ERBB4: variants seen among roughly 807,000 people sequenced by gnomAD.
ERBB4 encodes receptor tyrosine-protein kinase erbB-4.
A neutral mutation model predicts 158.0 loss-of-function variants in ERBB4; 42 were observed. That is an observed-to-expected ratio of 0.27 (90% CI 0.21 to 0.34). The LOEUF is 0.34. Ranked by LOEUF, ERBB4 falls within the 10% of genes least tolerant of loss-of-function variation. ERBB4 has a pLI of 1.00. For missense variants in ERBB4, 1,333 were observed against 1,624.1 expected, an observed-to-expected ratio of 0.82 and a Z score of 3.08; for synonymous variants, 583 against 558.7, an observed-to-expected ratio of 1.04 and a Z score of -0.61.
chr2:211,863,249 A>G (rs1185686373), intron 3 of ERBB4, among the ~76,000 whole-genome samples: 1 of 152,188 alleles, frequency 6.6e-6, no homozygotes, highest in Non-Finnish European at 1.5e-5. Flanking sequence ...CCAATCAGCA[A>G]TCTGTAAAAC....
intron 1 of ERBB4, among the ~76,000 whole-genome samples, chr2:212,344,543 CAT>C (rs2088888957): frequency 6.6e-6 from 1 of 151,806 alleles, no homozygotes; most frequent in Admixed American, 6.6e-5. Context: ...TATACACACA[CAT>C]AGCGAAGTAT....
intron 20 of ERBB4, among the ~76,000 whole-genome samples, chr2:211,513,806 G>C (rs893794114): frequency 6.6e-6 from 1 of 151,850 alleles, no homozygotes; most frequent in Admixed American, 6.6e-5. Context: ...CAAGTGATGA[G>C]GATAATAGCT....
At chr2:211,771,166 C>T (rs1412193292) in intron 4 of ERBB4, among the ~76,000 whole-genome samples, 1 of 152,188 alleles carries the variant, frequency 6.6e-6, no homozygotes, top group African/African-American at 2.4e-5. Context: ...GGTACTCAGG[C>T]AGAATCTCTG....
chr2:212,284,180 C>T (rs2085868713), intron 1 of ERBB4, among the ~76,000 whole-genome samples: 1 of 152,090 alleles, frequency 6.6e-6, no homozygotes, highest in African/African-American at 2.4e-5. Flanking sequence ...AAGTTTTTCT[C>T]ATGGGAGAAA....
At chr2:212,519,992 A>T (rs112829632) in intron 1 of ERBB4, among the ~76,000 whole-genome samples, 1,736 of 152,134 alleles carry the variant, frequency 0.011, 15 homozygotes, top group Middle Eastern at 0.041. Context: ...ATTATTATAC[A>T]ACATATGCAG....
intron 3 of ERBB4, among the ~76,000 whole-genome samples, chr2:211,942,341 T>C (rs537265982): frequency 6.7e-6 from 1 of 149,470 alleles, no homozygotes; most frequent in Admixed American, 6.7e-5. Context: ...TTTATTTATT[T>C]ATTTATTTAT....
At chr2:211,525,538 C>T (rs1227952930) in intron 20 of ERBB4, among the ~76,000 whole-genome samples, 1 of 152,126 alleles carries the variant, frequency 6.6e-6, no homozygotes, top group Admixed American at 6.5e-5. Flanking sequence ...TAACCAAGAA[C>T]GATATGCACA....
chr2:212,177,241 T>C (rs2081696929), intron 1 of ERBB4, among the ~76,000 whole-genome samples: 2 of 151,920 alleles, frequency 1.3e-5, no homozygotes, highest in East Asian at 3.9e-4. Flanking sequence ...ATACTATATA[T>C]ATATAAAATC....
intron 2 of ERBB4, among the ~76,000 whole-genome samples, chr2:212,082,670 A>C (rs201233804): frequency 6.6e-6 from 1 of 152,184 alleles, no homozygotes; most frequent in East Asian, 1.9e-4. Flanking sequence ...TATTTTTGAC[A>C]GAGATTTTTA....
chr2:211,748,996 C>A (rs1215368641), intron 5 of ERBB4, among the ~76,000 whole-genome samples: 1 of 152,210 alleles, frequency 6.6e-6, no homozygotes, highest in African/African-American at 2.4e-5. Flanking sequence ...ACAATAATCT[C>A]ATCTTATTTA....
intron 1 of ERBB4, among the ~76,000 whole-genome samples, chr2:212,503,119 C>T (rs1486996926): frequency 1.3e-5 from 2 of 152,120 alleles, no homozygotes; most frequent in African/African-American, 4.8e-5. Context: ...GCAAATGGTC[C>T]TAGGGAGAAA....
At chr2:212,178,867 T>G (rs1406133755) in intron 1 of ERBB4, among the ~76,000 whole-genome samples, 1 of 151,704 alleles carries the variant, frequency 6.6e-6, no homozygotes, top group Non-Finnish European at 1.5e-5. Flanking sequence ...AAAAAAATTA[T>G]AGTCTAGATA....
At chr2:212,088,153 C>T (rs1283481190) in intron 2 of ERBB4, among the ~76,000 whole-genome samples, 1 of 152,118 alleles carries the variant, frequency 6.6e-6, no homozygotes, top group Non-Finnish European at 1.5e-5. Context: ...CTAAACTCTG[C>T]AGGACAAATC....
At position 211,975,693 on chromosome 2, in the gene ERBB4, C is replaced by G. The variant is rs964272363; in HGVS notation, c.235-28077G>C. ...AGAATGTCTTACCTGAGAATTTATGCCTCATTACTTTCATTCATTTACGTC... is the reference window on the plus strand; with the variant it reads ...AGAATGTCTTACCTGAGAATTTATGGCTCATTACTTTCATTCATTTACGTC... On this transcript the variant is annotated intron_variant, in intron 2 of 27. Transcript: ENST00000342788. Among the ~76,000 whole-genome samples, 10 of 152,138 alleles carry G rather than the reference C, an allele frequency of 6.6e-5. No homozygotes were observed. The East Asian group carries it at 1.9e-3, about 29-fold the overall frequency.
At chr2:211,808,116 A>C (rs2076662251) in intron 3 of ERBB4, among the ~76,000 whole-genome samples, 1 of 152,122 alleles carries the variant, frequency 6.6e-6, no homozygotes, top group African/African-American at 2.4e-5. Context: ...GCTGTGCAGA[A>C]GCTCTTTAGT....
intron 1 of ERBB4, among the ~76,000 whole-genome samples, chr2:212,332,140 G>C (rs921404592): frequency 4.6e-5 from 7 of 152,044 alleles, no homozygotes; most frequent in African/African-American, 1.7e-4. Flanking sequence ...TACTGGGAAG[G>C]ACCCAGTGGG....
At position 212,229,494 on chromosome 2, in the gene ERBB4, C is replaced by T. The variant is rs146567067; in HGVS notation, c.83-104591G>A. On this transcript the variant is annotated intron_variant, in intron 1 of 27. Transcript: ENST00000342788. ...GGGATGAAAATGTGGGAAGAAGCAA[C>T]AGAAAGGTACTAAAGGGCCAGTAAA... Among the ~76,000 whole-genome samples the T allele has an allele frequency of 2.6e-5, 4 of 152,176 alleles. No individual in the cohort carries two copies. The East Asian group carries it at 7.7e-4, about 29-fold the overall frequency.
chr2:212,127,814 C>G (rs1341857477), intron 1 of ERBB4, among the ~76,000 whole-genome samples: 4 of 152,036 alleles, frequency 2.6e-5, no homozygotes, highest in African/African-American at 9.7e-5. Flanking sequence ...TATGTACCTA[C>G]AAGCCAAGGA....
intron 2 of ERBB4, among the ~76,000 whole-genome samples, chr2:212,087,790 T>C (rs1292476989): frequency 6.6e-6 from 1 of 152,106 alleles, no homozygotes; most frequent in African/African-American, 2.4e-5. Flanking sequence ...ACAAAGAAGA[T>C]GTTATAGATA....
Sources: allele counts gnomAD v4.1 joint callset (sites outside exome capture counted in the v4.1 genomes callset), GRCh38; gene constraint gnomAD v4.1.1; transcripts MANE v1.5; gene names NCBI Gene and HGNC (gene_info 2026-07-23, HGNC 2026-07-21).